Variants in NTNG2 observed in about 807,000 individuals in gnomAD.
The protein encoded by NTNG2 is netrin G2.
NTNG2 carries 15 observed loss-of-function variants against 47.6 expected under a neutral mutation model. That is an observed-to-expected ratio of 0.32 (90% confidence interval 0.21 to 0.49). NTNG2 has a LOEUF of 0.49. Ranked by LOEUF, NTNG2 falls within the 20% of genes least tolerant of loss-of-function variation. The pLI is 0.99. For missense variants in NTNG2, 578 were observed against 764.6 expected (o/e 0.76, Z 2.88); for synonymous variants, 307 against 324.6 (o/e 0.95, Z 0.58).
intron 2 of NTNG2, among the ~76,000 whole-genome samples, chr9:132,195,803 AT>A (rs202098758): frequency 1.3e-5 from 2 of 150,636 alleles, no homozygotes; most frequent in African/African-American, 2.4e-5. Context: ...TAATTTTTAA[AT>A]TTTTTTTTGT....
At chr9:132,227,774 A>G (rs1293579496) in intron 4 of NTNG2, among the ~76,000 whole-genome samples, 3 of 152,090 alleles carry the variant, frequency 2.0e-5, no homozygotes, top group African/African-American at 7.2e-5. Flanking sequence ...CCTTCTGAGG[A>G]CCACCCACCC....
chr9:132,235,497 A>G (rs12340081), intron 5 of NTNG2, among the ~76,000 whole-genome samples: 27,227 of 152,108 alleles, frequency 0.18, 2,873 homozygotes, highest in African/African-American at 0.28. Flanking sequence ...TTTGGACCCA[A>G]TTCCTTTGGC....
At position 132,218,935 on chromosome 9, in the gene NTNG2, C is replaced by T. The variant is rs773884736; in HGVS notation, c.858-7914C>T. Among the ~76,000 whole-genome samples the T allele has an allele frequency of 7.9e-5, 12 of 152,250 alleles. No homozygotes were observed. Among genetic ancestry groups the T allele is most frequent in the Non-Finnish European group, 1.5e-4 (10 of 68,042 alleles). On this transcript the variant is annotated intron_variant, in intron 3 of 7. Coordinates refer to ENST00000393229, the MANE Select transcript of NTNG2 (RefSeq NM_032536.4). The surrounding 1 kb of genome is among the most constrained non-coding windows in gnomAD (Gnocchi z 5.4). ...TCATTCATTCACTCACAGCTTTACC[C>T]AGATGTGATTCACACGTTGTACAAT...
At chr9:132,193,980 T>G (rs537101229) in intron 2 of NTNG2, among the ~76,000 whole-genome samples, 12 of 152,236 alleles carry the variant, frequency 7.9e-5, no homozygotes, top group African/African-American at 2.9e-4. Context: ...CTTCTTCTTC[T>G]TCCAAGGCCA....
intron 3 of NTNG2, among the ~76,000 whole-genome samples, chr9:132,200,521 G>A (rs1838665907): frequency 6.6e-6 from 1 of 152,254 alleles, no homozygotes; most frequent in South Asian, 2.1e-4. Context: ...AAACATCATG[G>A]GTTGGGGAGA....
At chr9:132,173,852 T>C (rs1338204277) in intron 2 of NTNG2, among the ~76,000 whole-genome samples, 31 of 107,840 alleles carry the variant, frequency 2.9e-4, no homozygotes, top group African/African-American at 5.1e-4. Flanking sequence ...ATGAGATGGA[T>C]GGATGGACAG....
chr9:132,207,263 T>A (rs7046069), intron 3 of NTNG2, among the ~76,000 whole-genome samples: 90,243 of 152,192 alleles, frequency 0.59, 29,471 homozygotes, highest in African/African-American at 0.89. Context: ...CCTCCATAAC[T>A]AAGTACCACT....
rs1162177647 is a variant in NTNG2, at chr9:132,226,873, C to A, written c.882C>A (p.Asn294Lys). The change falls in exon 4 of 8, where the codon AAC becomes AAA. Residue 294 changes from asparagine (N) to lysine (K), a missense_variant. Asn to Lys is a moderately conservative substitution (Grantham distance 94). Coordinates refer to ENST00000393229, the MANE Select transcript of NTNG2 (RefSeq NM_032536.4). The surrounding 1 kb of genome is among the most constrained non-coding windows in gnomAD (Gnocchi z 4.8). ...GGTGCAAGTGCAACCTGCACGCCAA[C>A]CTGTGCTCCATGCGCGAGGGCAGCC... ...IGRCKCNLHA[N>K]LCSMREGSLQ... The A allele has an allele frequency of 6.2e-7, 1 of 1,610,914 alleles. No homozygotes were observed. Among genetic ancestry groups the A allele is most frequent in the Non-Finnish European group, 8.5e-7 (1 of 1,178,806 alleles).
chr9:132,195,543 G>A (rs1194441085), intron 2 of NTNG2, among the ~76,000 whole-genome samples: 1 of 146,234 alleles, frequency 6.8e-6, no homozygotes, highest in Non-Finnish European at 1.5e-5. Context: ...TAGCCAGGAT[G>A]GTGTTGATCT....
intron 7 of NTNG2, 28 bp from the exon 8 acceptor site, chr9:132,241,848 C>T (rs1443396373): frequency 2.7e-6 from 4 of 1,505,856 alleles, no homozygotes; most frequent in Non-Finnish European, 3.6e-6. Flanking sequence ...GGGCCACCCC[C>T]CGTGCTGACC....
chr9:132,209,178 C>T (rs80349289), intron 3 of NTNG2, among the ~76,000 whole-genome samples: 241 of 152,326 alleles, frequency 1.6e-3, no homozygotes, highest in Middle Eastern at 0.01. Flanking sequence ...CATAAGTTTT[C>T]GCTTCTCTTG....
In NTNG2 at chr9:132,240,937, T is replaced by C. The variant is rs776762925; in HGVS notation, c.1250T>C (p.Val417Ala). The change falls in exon 7 of 8, where the codon GTG (valine) becomes GCG (alanine). Residue 417 changes from valine (V) to alanine (A), a missense_variant. Physicochemically the swap from Val to Ala is moderately conservative, Grantham distance 64. Transcript: ENST00000393229. The stretch of plus-strand genomic sequence containing the variant: ...TGTAACTGCAACCAGATAGGCTCCG[T>C]GCACGACCGGTGCAACGAGACCGGC... The part of the protein sequence containing the change: ...IECNCNQIGS[V>A]HDRCNETGFC... 1.3e-5 allele frequency: 21 copies of C among 1,612,754 alleles called. No homozygotes were observed. The highest frequency in any genetic ancestry group is 1.7e-5 in the Non-Finnish European group (20 of 1,179,844).
intron 2 of NTNG2, among the ~76,000 whole-genome samples, chr9:132,178,937 G>A (rs1305480217): frequency 2.9e-5 from 4 of 136,002 alleles, no homozygotes; most frequent in African/African-American, 1.1e-4. Flanking sequence ...ACTCCAGCCT[G>A]CACAACAGAG....
chr9:132,201,920 T>C (rs1018361975), intron 3 of NTNG2, among the ~76,000 whole-genome samples: 1 of 152,086 alleles, frequency 6.6e-6, no homozygotes, highest in Non-Finnish European at 1.5e-5. Flanking sequence ...TGTTTTCAGA[T>C]GAAGAAGCCA....
intron 1 of NTNG2, among the ~76,000 whole-genome samples, chr9:132,164,128 G>A (rs1835315644): frequency 6.6e-6 from 1 of 152,214 alleles, no homozygotes; most frequent in East Asian, 1.9e-4. Context: ...TGCTGAGCTC[G>A]TAATTCCCCC....
Position 132,198,309 on chromosome 9 carries a change from C to G in NTNG2, c.557C>G (p.Ser186Ter). ...GMSARRARDM[S>*]SSSAHRVLCT... ...TCCGCCCGCCGGGCCCGCGACATGT[C>G]ATCCTCCAGCGCGCACCGCGTGCTC... Residue 186 changes from serine (S) to a stop codon, truncating the protein, a stop_gained, in exon 3 of 8, where the codon TCA (serine) becomes TGA (stop). Coordinates refer to ENST00000393229, the MANE Select transcript of NTNG2 (RefSeq NM_032536.4). LOFTEE classifies it high-confidence loss of function. The G allele has an allele frequency of 6.2e-7, 1 of 1,612,872 alleles. No individual in the cohort carries two copies. Among genetic ancestry groups the G allele is most frequent in the Admixed American group, 1.7e-5 (1 of 60,006 alleles).
chr9:132,241,178 A>T, intron 7 of NTNG2, 134 bp downstream of exon 7: 30 of 452,178 alleles, frequency 6.6e-5, no homozygotes, highest in Admixed American at 4.3e-4. Flanking sequence ...GGGCCGGGGA[A>T]GTGGGTGGGG....
At chr9:132,204,809 C>T (rs553842474) in intron 3 of NTNG2, among the ~76,000 whole-genome samples, 1 of 152,280 alleles carries the variant, frequency 6.6e-6, no homozygotes, top group African/African-American at 2.4e-5. Context: ...GGTGTGGTGG[C>T]TCGTGCCTGT....
chr9:132,165,310 TTA>T (rs892377911), intron 1 of NTNG2, among the ~76,000 whole-genome samples: 1 of 152,156 alleles, frequency 6.6e-6, no homozygotes, highest in Non-Finnish European at 1.5e-5. Flanking sequence ...AATATATTAA[TTA>T]TATCTATTTT....
Sources: gnomAD v4.1 joint callset for allele counts (sites outside exome capture counted in the v4.1 genomes callset) on GRCh38, gnomAD v4.1.1 for gene constraint, Gnocchi (gnomAD v3.1) non-coding constraint, MANE v1.5 for transcripts, NCBI Gene and HGNC (gene_info 2026-07-23, HGNC 2026-07-21) for gene names.